The following TMEM272 variants were observed in gnomAD, a reference collection of about 807,000 sequenced individuals.
TMEM272 encodes the protein transmembrane protein 272, also known as long intergenic non-protein coding RNA 282.
TMEM272 carries 8 observed loss-of-function variants against 3.7 expected under a neutral mutation model. The observed-to-expected ratio is 2.17, with a 90% confidence interval of 1.27 to 3.91. The LOEUF (loss-of-function observed/expected upper bound fraction) is 3.91, where lower values mean the gene tolerates loss of function less well. TMEM272 is among the 30% of genes most tolerant of loss of function. The pLI is 0.00. For synonymous variants in TMEM272, 63 were observed against 39.8 expected (o/e 1.58, Z -2.20); for missense variants, 166 against 91.5 (o/e 1.81, Z -3.32).
the TMEM272 span, among the ~76,000 whole-genome samples, chr13:51,902,026 GA>G: frequency 2.0e-5 from 3 of 152,162 alleles, no homozygotes; most frequent in Non-Finnish European, 4.4e-5. Context: ...AAGCTCCATG[GA>G]AAGGTCATGT....
the TMEM272 span, among the ~76,000 whole-genome samples, chr13:51,926,495 C>T: frequency 6.6e-6 from 1 of 151,928 alleles, no homozygotes; most frequent in Non-Finnish European, 1.5e-5. Flanking sequence ...AGAGTAAACC[C>T]ATGGATGACA....
the TMEM272 span, among the ~76,000 whole-genome samples, chr13:51,902,508 T>C: frequency 2.6e-5 from 4 of 152,352 alleles, no homozygotes; most frequent in East Asian, 5.8e-4. Context: ...TTTTAGAATA[T>C]AGGTTTTATA....
At chr13:51,826,273 G>A (rs1313198633) in intron 3 of TMEM272, among the ~76,000 whole-genome samples, 1 of 152,138 alleles carries the variant, frequency 6.6e-6, no homozygotes, top group African/African-American at 2.4e-5. Context: ...CTCTAGCCCA[G>A]TCACTTCCAA....
At chr13:51,825,638 T>G (rs1219030038) in intron 3 of TMEM272, among the ~76,000 whole-genome samples, 38 of 139,416 alleles carry the variant, frequency 2.7e-4, no homozygotes, top group African/African-American at 7.1e-4. Flanking sequence ...TTTTTGTGTT[T>G]TTTTTTTTTT....
the TMEM272 span, among the ~76,000 whole-genome samples, chr13:51,904,588 T>C: frequency 1.3e-5 from 2 of 152,148 alleles, no homozygotes; most frequent in East Asian, 3.9e-4. Flanking sequence ...ATAAGCATGG[T>C]CCGTTTTCAA....
the TMEM272 span, among the ~76,000 whole-genome samples, chr13:51,925,597 T>C: frequency 6.6e-6 from 1 of 152,082 alleles, no homozygotes; most frequent in Non-Finnish European, 1.5e-5. Flanking sequence ...GTTCCAGTAG[T>C]TACAGAGATG....
At chr13:51,897,613 GA>G in the TMEM272 span, among the ~76,000 whole-genome samples, 1 of 151,344 alleles carries the variant, frequency 6.6e-6, no homozygotes, top group Non-Finnish European at 1.5e-5. Context: ...TAATCTTCTT[GA>G]AAAAAATAGT....
the TMEM272 span, among the ~76,000 whole-genome samples, chr13:51,926,497 T>A: frequency 6.6e-6 from 1 of 151,584 alleles, no homozygotes; most frequent in South Asian, 2.1e-4. Context: ...AGTAAACCCA[T>A]GGATGACACA....
the TMEM272 span, among the ~76,000 whole-genome samples, chr13:51,876,515 AC>A: frequency 6.6e-6 from 1 of 152,222 alleles, no homozygotes; most frequent in East Asian, 1.9e-4. Context: ...TACTCAGTTA[AC>A]TTCACATCAT....
chr13:51,852,811 G>A, the TMEM272 span, among the ~76,000 whole-genome samples: 3 of 150,298 alleles, frequency 2.0e-5, no homozygotes, highest in Non-Finnish European at 4.4e-5. Flanking sequence ...CCCAGGAGGT[G>A]AAGGATGCAG....
the TMEM272 span, among the ~76,000 whole-genome samples, chr13:51,874,669 C>G: frequency 5.9e-5 from 9 of 152,292 alleles, no homozygotes; most frequent in Middle Eastern, 3.4e-3. Flanking sequence ...CTGAAGATCA[C>G]GATCACCTCT....
rs1265399601 is a variant in TMEM272 at position 51,821,945 on chromosome 13, G to T, written c.201+110C>A. On this transcript the variant is annotated intron_variant, in intron 4 of 4. Transcript: ENST00000629372. ...ATCACTTCAGCAACCACGCTTAGGGGGAAGTTGTTTTGTCTCCCCTGTGAA... is the reference window on the plus strand; with the variant it reads ...ATCACTTCAGCAACCACGCTTAGGGTGAAGTTGTTTTGTCTCCCCTGTGAA... The T allele has an allele frequency of 2.3e-5, 16 of 693,916 alleles. No homozygotes were observed. The East Asian group carries it at 3.8e-4, about 16-fold the overall frequency. The allele number at this position is 693,916 out of a possible 1,614,324, so 43.0% of individuals were successfully genotyped here. A position where few individuals can be genotyped will look rare whatever the true frequency, so the allele number is the denominator to read the frequency against.
the TMEM272 span, among the ~76,000 whole-genome samples, chr13:51,897,831 G>A: frequency 6.9e-6 from 1 of 145,872 alleles, no homozygotes; most frequent in East Asian, 2.1e-4. Flanking sequence ...GGAGGCTGAG[G>A]CAAGAAAATC....
At chr13:51,874,444 C>G in the TMEM272 span, among the ~76,000 whole-genome samples, 27 of 152,294 alleles carry the variant, frequency 1.8e-4, no homozygotes, top group African/African-American at 5.1e-4. Flanking sequence ...AATAGATACT[C>G]AGTACATGTT....
At chr13:51,908,644 C>G in the TMEM272 span, 2 of 1,476,890 alleles carry the variant, frequency 1.4e-6, no homozygotes, top group South Asian at 2.3e-5. Context: ...GTATCATTTC[C>G]ACTGGATTCC....
the TMEM272 span, chr13:51,909,297 G>C: frequency 1.0e-6 from 1 of 956,662 alleles, no homozygotes; most frequent in Non-Finnish European, 1.7e-6. Flanking sequence ...AAAAAGAATA[G>C]TTCTCTCAAG....
At chr13:51,840,666 A>G (rs1956255055) in intron 1 of TMEM272, among the ~76,000 whole-genome samples, 1 of 152,174 alleles carries the variant, frequency 6.6e-6, no homozygotes, top group African/African-American at 2.4e-5. Flanking sequence ...CCTGGAAGCA[A>G]TTGTGGGGGA....
the TMEM272 span, chr13:51,865,558 A>G: frequency 3.1e-6 from 5 of 1,614,238 alleles, no homozygotes; most frequent in South Asian, 3.3e-5. Context: ...TTTTTCGTGA[A>G]AAAATAGAGG....
At chr13:51,866,154 G>T in the TMEM272 span, 1 of 1,266,600 alleles carries the variant, frequency 7.9e-7, no homozygotes, top group Non-Finnish European at 1.1e-6. Context: ...GAGCCCATGT[G>T]CTGGAGAAAA....
Sources: gnomAD v4.1 joint callset for allele counts (sites outside exome capture counted in the v4.1 genomes callset) on GRCh38, gnomAD v4.1.1 for gene constraint, MANE v1.5 for transcripts, NCBI Gene and HGNC (gene_info 2026-07-23, HGNC 2026-07-21) for gene names.